SLC39A11: variants seen among roughly 807,000 people sequenced by gnomAD.
SLC39A11 encodes zinc transporter ZIP11.
A neutral mutation model predicts 36.1 loss-of-function variants in SLC39A11; 33 were observed. The ratio of observed to expected loss-of-function variants is 0.91; its 90% CI spans 0.69 to 1.22. SLC39A11 has a LOEUF of 1.22. SLC39A11 is among the 50% of genes most tolerant of loss of function. The pLI is 0.00. For synonymous variants in SLC39A11, 166 were observed against 170.3 expected (o/e 0.97, Z 0.20); for missense variants, 432 against 430.3 (o/e 1.00, Z -0.03).
At chr17:72,806,084 T>G (rs1477820312) in intron 6 of SLC39A11, among the ~76,000 whole-genome samples, 1 of 152,130 alleles carries the variant, frequency 6.6e-6, no homozygotes, top group Non-Finnish European at 1.5e-5. Context: ...AACCTGACTT[T>G]AAAGCTGGGA....
At chr17:72,856,895 G>A (rs1369034351) in intron 5 of SLC39A11, among the ~76,000 whole-genome samples, 3 of 152,128 alleles carry the variant, frequency 2.0e-5, no homozygotes, top group Non-Finnish European at 4.4e-5. Context: ...TGGCCAGGCT[G>A]GTCTTGAACT....
At chr17:72,979,971 G>A (rs1465203223) in intron 4 of SLC39A11, among the ~76,000 whole-genome samples, 1 of 151,986 alleles carries the variant, frequency 6.6e-6, no homozygotes, top group African/African-American at 2.4e-5. Flanking sequence ...ACGACTTGCT[G>A]CTGGATCCAC....
chr17:73,022,855 GGGCC>G lies in SLC39A11; in HGVS notation c.306+8697_306+8700del, dbSNP rs1025934506. ...CTCTCTCCAAACTTCACACTATGAAGGGCCTGTGGCTTCAGTGTGTCAAGAGCAA... is the reference window on the plus strand; with the variant it reads ...CTCTCTCCAAACTTCACACTATGAAGTGTGGCTTCAGTGTGTCAAGAGCAA... On this transcript the variant is annotated intron_variant, in intron 4 of 9. Transcript: ENST00000255559. 6.0e-4 allele frequency among the ~76,000 whole-genome samples: 92 copies of G among 152,194 alleles called. 1 individual carries two copies. Among genetic ancestry groups the G allele is most frequent in the Admixed American group, 1.4e-3 (22 of 15,292 alleles).
At chr17:72,757,432 C>T (rs927239772) in intron 6 of SLC39A11, among the ~76,000 whole-genome samples, 2 of 152,120 alleles carry the variant, frequency 1.3e-5, no homozygotes, top group Non-Finnish European at 2.9e-5. Context: ...GAAAGGTGGG[C>T]GCTGAGTCTC....
At chr17:72,920,406 C>G (rs1333939633) in intron 5 of SLC39A11, among the ~76,000 whole-genome samples, 2 of 151,584 alleles carry the variant, frequency 1.3e-5, no homozygotes, top group African/African-American at 2.4e-5. Flanking sequence ...AACATGCCAG[C>G]TCTGCCCCAC....
chr17:72,865,359 C>T (rs1453135540), intron 5 of SLC39A11, among the ~76,000 whole-genome samples: 1 of 123,228 alleles, frequency 8.1e-6, no homozygotes, highest in African/African-American at 3.1e-5. Flanking sequence ...CAGAGAGAGA[C>T]AAAAAGGATG....
chr17:72,897,311 A>G (rs1362997780), intron 5 of SLC39A11, among the ~76,000 whole-genome samples: 1 of 152,210 alleles, frequency 6.6e-6, no homozygotes, highest in African/African-American at 2.4e-5. Flanking sequence ...CACAAGCCAC[A>G]TGCAGTCATC....
rs150174342 is a variant in SLC39A11 at position 72,831,933 on chromosome 17, G to A, written c.601+17701C>T. 4.6e-5 allele frequency among the ~76,000 whole-genome samples: 7 copies of A among 152,252 alleles called. No individual in the cohort carries two copies. The East Asian group carries it at 1.4e-3, about 29-fold the overall frequency. ...AAGATTAATTGCCATTCTTAAAGAC[G>A]CCGATAGAACTATGAAAAATAAGTA... On this transcript the variant is annotated intron_variant, in intron 6 of 9. Coordinates refer to ENST00000255559, the MANE Select transcript of SLC39A11 (RefSeq NM_139177.4).
intron 6 of SLC39A11, among the ~76,000 whole-genome samples, chr17:72,789,868 T>C (rs920665043): frequency 3.3e-5 from 5 of 152,214 alleles, no homozygotes; most frequent in African/African-American, 9.6e-5. Flanking sequence ...TTCAGGAACA[T>C]GGCCCAATTT....
Position 72,947,851 on chromosome 17 carries a change from T to C in SLC39A11, c.331A>G (p.Thr111Ala), listed in dbSNP as rs2466517. The change falls in exon 5 of 10, where the codon ACC becomes GCC. Residue 111 changes from threonine to alanine, a missense_variant. Coordinates refer to ENST00000255559, the MANE Select transcript of SLC39A11 (RefSeq NM_139177.4). Reference sequence around the variant, plus strand: ...GTAGAGCCGAAGTTCAGTGCCAGGGTCGTCTGGGGGTCTTCTGCTGCACCC... The same window carrying C: ...GTAGAGCCGAAGTTCAGTGCCAGGGCCGTCTGGGGGTCTTCTGCTGCACCC... The part of the protein sequence containing the change: ...HLGAAEDPQT[T>A]LALNFGSTLM... The C allele has an allele frequency of 0.98, 1,581,524 of 1,613,868 alleles. 778,745 individuals are homozygous for C. The highest frequency in any genetic ancestry group is 1 in the Non-Finnish European group (1,177,482 of 1,180,034).
rs766618993 is a variant in SLC39A11 at position 72,647,620 on chromosome 17, A to T, written c.972T>A (p.Phe324Leu). The T allele has an allele frequency of 1.2e-6, 2 of 1,614,054 alleles. No homozygotes were observed. The highest frequency in any genetic ancestry group is 1.7e-6 in the Non-Finnish European group (2 of 1,179,964). The change falls in exon 10 of 10, where the codon TTT (phenylalanine) becomes TTA (leucine). Residue 324 changes from phenylalanine (F) to leucine (L), a missense_variant. Coordinates refer to ENST00000255559, the MANE Select transcript of SLC39A11 (RefSeq NM_139177.4). ...KLASWASILG[F>L]VVMMSLDVGL... ...CAACGTCCAGTGACATCATCACTAC[A>T]AATCCCAGGATGGAGGCCCAGGATG...
chr17:72,803,779 T>G (rs2077168816), intron 6 of SLC39A11, among the ~76,000 whole-genome samples: 2 of 152,162 alleles, frequency 1.3e-5, no homozygotes, highest in Non-Finnish European at 2.9e-5. Context: ...CCCCTAGGCC[T>G]AATTCTCCCT....
chr17:73,028,275 C>T (rs2058626809), intron 4 of SLC39A11, among the ~76,000 whole-genome samples: 1 of 152,180 alleles, frequency 6.6e-6, no homozygotes, highest in Non-Finnish European at 1.5e-5. Flanking sequence ...AGACTATAAA[C>T]GCGTGGGTGC....
In SLC39A11 at chr17:72,661,247, G is replaced by A. The variant is rs1049252457; in HGVS notation, c.672-11979C>T. Among the ~76,000 whole-genome samples, 5 of 152,178 alleles carry A rather than the reference G, an allele frequency of 3.3e-5. No homozygotes were observed. The South Asian group carries it at 1.0e-3, about 31-fold the overall frequency. On this transcript the variant is annotated intron_variant, in intron 7 of 9. Coordinates refer to ENST00000255559, the MANE Select transcript of SLC39A11 (RefSeq NM_139177.4). ...GTGTTCTCTGACCATGGCGCCCCCT[G>A]GAGTTGTGCAGTGGGACACTCCTGC...
intron 1 of SLC39A11, among the ~76,000 whole-genome samples, chr17:73,091,104 C>T (rs1384056498): frequency 6.6e-6 from 1 of 152,126 alleles, no homozygotes; most frequent in Non-Finnish European, 1.5e-5. Flanking sequence ...TTCTTATGCA[C>T]ATTAAACTGT....
At chr17:73,072,996 A>G (rs747335352) in intron 3 of SLC39A11, among the ~76,000 whole-genome samples, 7 of 152,168 alleles carry the variant, frequency 4.6e-5, no homozygotes, top group Non-Finnish European at 1.0e-4. Flanking sequence ...CCTGGCCAAC[A>G]TGGTGAAACT....
intron 4 of SLC39A11, among the ~76,000 whole-genome samples, chr17:73,027,214 T>C (rs1021553214): frequency 1.3e-5 from 2 of 152,144 alleles, no homozygotes; most frequent in South Asian, 2.1e-4. Flanking sequence ...ATCAGAAACA[T>C]GTCAATGTCT....
At chr17:73,064,473 C>A (rs538172232) in intron 3 of SLC39A11, among the ~76,000 whole-genome samples, 54 of 152,260 alleles carry the variant, frequency 3.5e-4, no homozygotes, top group Non-Finnish European at 6.9e-4. Context: ...CCTTGAGATG[C>A]CTGGAGGTTA....
At chr17:72,950,530 T>C (rs2085785424) in intron 4 of SLC39A11, among the ~76,000 whole-genome samples, 1 of 152,216 alleles carries the variant, frequency 6.6e-6, no homozygotes, top group Non-Finnish European at 1.5e-5. Context: ...TTATTTCTAA[T>C]TCTACATCTC....
Sources: gnomAD v4.1 joint callset for allele counts (sites outside exome capture counted in the v4.1 genomes callset) on GRCh38, gnomAD v4.1.1 for gene constraint, MANE v1.5 for transcripts, NCBI Gene and HGNC (gene_info 2026-07-23, HGNC 2026-07-21) for gene names.